RBFOX1: variants seen among roughly 807,000 people sequenced by gnomAD.
The protein encoded by RBFOX1 is RNA binding fox-1 homolog 1.
Under a neutral mutation model 57.7 loss-of-function variants are expected in RBFOX1, and 8 were observed. That is an observed-to-expected ratio of 0.14 (90% CI 0.08 to 0.25). The LOEUF (loss-of-function observed/expected upper bound fraction) is 0.25, where lower values mean the gene tolerates loss of function less well. Among genes scored for constraint, RBFOX1 ranks in the 10% least tolerant of loss-of-function variants. The pLI, the probability that RBFOX1 is intolerant of heterozygous loss-of-function variation, is 1.00. For synonymous variants in RBFOX1, 326 were observed against 222.4 expected, an observed-to-expected ratio of 1.47 and a Z score of -4.15; for missense variants, 611 against 548.5, an observed-to-expected ratio of 1.11 and a Z score of -1.14.
At chr16:5,540,930 A>G (rs1033007459) in intron 2 of RBFOX1, among the ~76,000 whole-genome samples, 1 of 150,942 alleles carries the variant, frequency 6.6e-6, no homozygotes, top group African/African-American at 2.4e-5. Flanking sequence ...GCTCACTGCA[A>G]CCTCCACCTC....
At chr16:6,792,483 A>G (rs1283324786) in intron 3 of RBFOX1, among the ~76,000 whole-genome samples, 2 of 152,168 alleles carry the variant, frequency 1.3e-5, no homozygotes, top group African/African-American at 4.8e-5. Context: ...GATGAATTCC[A>G]TATTTTTGTG....
chr16:7,673,265 G>T (rs763426289), intron 13 of RBFOX1, among the ~76,000 whole-genome samples: 1 of 152,138 alleles, frequency 6.6e-6, no homozygotes, highest in Non-Finnish European at 1.5e-5. Context: ...AGATGCCTTG[G>T]AGGTCCCTCA....
chr16:7,237,513 C>A (rs972448573), intron 4 of RBFOX1, among the ~76,000 whole-genome samples: 2 of 152,184 alleles, frequency 1.3e-5, no homozygotes, highest in Non-Finnish European at 2.9e-5. Context: ...GCCTGAAGCA[C>A]AATAGAATGA....
At chr16:6,452,918 G>C (rs569042928) in intron 2 of RBFOX1, among the ~76,000 whole-genome samples, 1 of 152,136 alleles carries the variant, frequency 6.6e-6, no homozygotes, top group African/African-American at 2.4e-5. Context: ...GCACCTAGAA[G>C]GTGCTCATTA....
At chr16:7,368,276 AAAAG>A (rs1037213269) in intron 4 of RBFOX1, among the ~76,000 whole-genome samples, 3 of 151,770 alleles carry the variant, frequency 2.0e-5, no homozygotes, top group Non-Finnish European at 2.9e-5. Flanking sequence ...AAAAAAAAAA[AAAAG>A]AGAGAGAAGA....
chr16:5,815,338 A>C (rs1248875453), intron 3 of RBFOX1, among the ~76,000 whole-genome samples: 2 of 151,680 alleles, frequency 1.3e-5, no homozygotes, highest in Non-Finnish European at 2.9e-5. Flanking sequence ...TCTCCTTTAA[A>C]TTCCCTTCTA....
chr16:7,480,438 G>A (rs1390291455), intron 4 of RBFOX1, among the ~76,000 whole-genome samples: 1 of 152,208 alleles, frequency 6.6e-6, no homozygotes, highest in Non-Finnish European at 1.5e-5. Context: ...AAATGAGAAA[G>A]TGAATGCAAT....
chr16:6,721,635 C>G (rs1441820678), intron 3 of RBFOX1, among the ~76,000 whole-genome samples: 1 of 152,164 alleles, frequency 6.6e-6, no homozygotes, highest in East Asian at 1.9e-4. Context: ...TCCACTTTCC[C>G]TCTTTGTGAA....
At chr16:6,644,803 C>A (rs1036680981) in intron 2 of RBFOX1, among the ~76,000 whole-genome samples, 1 of 152,244 alleles carries the variant, frequency 6.6e-6, no homozygotes, top group East Asian at 1.9e-4. Context: ...TTTTTCTTGT[C>A]CCCTAGAGCT....
intron 4 of RBFOX1, among the ~76,000 whole-genome samples, chr16:7,227,107 G>T (rs2093173413): frequency 6.6e-6 from 1 of 152,030 alleles, no homozygotes; most frequent in South Asian, 2.1e-4. Context: ...GAACCTGTTT[G>T]GTCCTGGAGA....
chr16:7,257,412 C>T lies in RBFOX1; in HGVS notation c.27+205314C>T, dbSNP rs1218821886. On this transcript the variant is annotated intron_variant, in intron 4 of 15. Coordinates refer to ENST00000550418, the MANE Select transcript of RBFOX1 (RefSeq NM_018723.4). Reference sequence around the variant, plus strand: ...CTTCCCTCTTTTATTTCTGAAGTCACTGTAGGGAAAATGTACTGATTGCAA... The same window carrying T: ...CTTCCCTCTTTTATTTCTGAAGTCATTGTAGGGAAAATGTACTGATTGCAA... 2.0e-5 allele frequency among the ~76,000 whole-genome samples: 3 copies of T among 152,148 alleles called. No individual in the cohort carries two copies. The South Asian group carries it at 6.2e-4, about 32-fold the overall frequency.
chr16:5,611,882 C>G (rs1027137629), intron 3 of RBFOX1, among the ~76,000 whole-genome samples: 3 of 147,492 alleles, frequency 2.0e-5, no homozygotes, highest in African/African-American at 7.5e-5. Context: ...AATCCCTGCA[C>G]TTTGTAAGGC....
chr16:7,052,129 G>C (rs770911616), intron 4 of RBFOX1, 31 bp downstream of exon 4: 3 of 1,585,146 alleles, frequency 1.9e-6, no homozygotes, highest in Non-Finnish European at 2.6e-6. Flanking sequence ...AATGCTTCCT[G>C]ATTCTCATTT....
intron 2 of RBFOX1, among the ~76,000 whole-genome samples, chr16:6,395,216 T>A (rs1387898329): frequency 6.6e-6 from 1 of 152,204 alleles, no homozygotes; most frequent in Non-Finnish European, 1.5e-5. Flanking sequence ...ATTTTTTTTG[T>A]CAAAGAAAAT....
At chr16:6,568,090 G>C (rs534473970) in intron 2 of RBFOX1, among the ~76,000 whole-genome samples, 20 of 152,302 alleles carry the variant, frequency 1.3e-4, no homozygotes, top group African/African-American at 2.9e-4. Context: ...TGACAGTGCA[G>C]CTTTACGGGT....
At chr16:6,361,816 A>C (rs1475366637) in intron 2 of RBFOX1, among the ~76,000 whole-genome samples, 1 of 152,108 alleles carries the variant, frequency 6.6e-6, no homozygotes, top group Admixed American at 6.5e-5. Flanking sequence ...AAAATTGAGA[A>C]CCACTGGGCT....
intron 4 of RBFOX1, among the ~76,000 whole-genome samples, chr16:7,053,789 T>C (rs1382482): frequency 3.3e-5 from 5 of 152,070 alleles, no homozygotes; most frequent in African/African-American, 1.2e-4. Context: ...GTCCCAAGTA[T>C]GGCTCCAATA....
intron 1 of RBFOX1, among the ~76,000 whole-genome samples, chr16:5,348,360 A>T (rs1219365201): frequency 1.3e-5 from 2 of 152,216 alleles, no homozygotes; most frequent in African/African-American, 4.8e-5. Context: ...ATAGGTGAAA[A>T]TTAACAAAAA....
intron 1 of RBFOX1, among the ~76,000 whole-genome samples, chr16:5,325,792 A>G (rs1019476064): frequency 1.3e-5 from 2 of 152,214 alleles, no homozygotes; most frequent in Admixed American, 6.5e-5. Flanking sequence ...ATTCCATTGT[A>G]TGGATATACT....
Sources: allele counts gnomAD v4.1 joint callset (sites outside exome capture counted in the v4.1 genomes callset), GRCh38; gene constraint gnomAD v4.1.1; transcripts MANE v1.5; gene names NCBI Gene and HGNC (gene_info 2026-07-23, HGNC 2026-07-21).